Variants in RPS6KC1 observed in about 807,000 individuals in gnomAD.
RPS6KC1 encodes the protein ribosomal protein S6 kinase C1.
In RPS6KC1, 54 loss-of-function variants were observed where a neutral mutation model predicts 103.8. The observed-to-expected ratio is 0.52, with a 90% CI of 0.42 to 0.65. The LOEUF (loss-of-function observed/expected upper bound fraction) is 0.65, where lower values mean the gene tolerates loss of function less well. Among genes scored for constraint, RPS6KC1 ranks in the 30% least tolerant of loss-of-function variants. The pLI, the probability that RPS6KC1 is intolerant of heterozygous loss-of-function variation, is 0.00. For missense variants in RPS6KC1, 1,151 were observed against 1,253.8 expected, an observed-to-expected ratio of 0.92 and a Z score of 1.24; for synonymous variants, 439 against 438.7, an observed-to-expected ratio of 1.00 and a Z score of -0.01.
chr1:213,322,669 GA>G, the RPS6KC1 span, among the ~76,000 whole-genome samples: 1 of 152,126 alleles, frequency 6.6e-6, no homozygotes, highest in Non-Finnish European at 1.5e-5. Context: ...CCATTTTCTA[GA>G]CTTTTCCACT....
chr1:213,363,661 T>G, the RPS6KC1 span, among the ~76,000 whole-genome samples: 9 of 77,146 alleles, frequency 1.2e-4, 1 homozygote, highest in East Asian at 6.9e-4. Context: ...TTTCTTTCTT[T>G]CTTTCTTTCT....
At chr1:213,070,649 C>G (rs1244400663) in intron 1 of RPS6KC1, among the ~76,000 whole-genome samples, 4 of 152,174 alleles carry the variant, frequency 2.6e-5, no homozygotes, top group Admixed American at 2.6e-4. Context: ...CTTATTTGAA[C>G]ACTGTTTGAA....
At chr1:213,450,293 G>A in the RPS6KC1 span, among the ~76,000 whole-genome samples, 4 of 151,376 alleles carry the variant, frequency 2.6e-5, no homozygotes, top group Non-Finnish European at 4.4e-5. Flanking sequence ...CTCAAAGCCA[G>A]CAGGTTTCAT....
At chr1:213,744,321 A>T in the RPS6KC1 span, among the ~76,000 whole-genome samples, 4 of 152,182 alleles carry the variant, frequency 2.6e-5, no homozygotes, top group African/African-American at 9.7e-5. Flanking sequence ...AATAAAAAAA[A>T]CCTCTATCAG....
At chr1:213,725,242 G>A in the RPS6KC1 span, among the ~76,000 whole-genome samples, 2 of 152,226 alleles carry the variant, frequency 1.3e-5, no homozygotes, top group African/African-American at 4.8e-5. Flanking sequence ...CCACGGTGGT[G>A]AGGAAAACAC....
chr1:213,384,483 T>A, the RPS6KC1 span, among the ~76,000 whole-genome samples: 2 of 151,982 alleles, frequency 1.3e-5, no homozygotes, highest in Non-Finnish European at 2.9e-5. Flanking sequence ...CTTGGCAGAC[T>A]ATGGAGGAGG....
the RPS6KC1 span, among the ~76,000 whole-genome samples, chr1:213,655,098 A>T: frequency 0.044 from 6,749 of 152,296 alleles, 259 homozygotes; most frequent in East Asian, 0.16. Context: ...GCTGGAATGC[A>T]GTTGCATGAT....
chr1:213,718,848 G>A, the RPS6KC1 span, among the ~76,000 whole-genome samples: 29 of 152,332 alleles, frequency 1.9e-4, no homozygotes, highest in African/African-American at 6.7e-4. Context: ...TCTGGGGTGG[G>A]ACCTGAGATT....
At chr1:213,800,880 A>G in the RPS6KC1 span, among the ~76,000 whole-genome samples, 1 of 152,180 alleles carries the variant, frequency 6.6e-6, no homozygotes, top group Non-Finnish European at 1.5e-5. Context: ...GAGTTGAGCT[A>G]TTTCTTTCCA....
the RPS6KC1 span, among the ~76,000 whole-genome samples, chr1:213,824,568 T>C: frequency 6.6e-6 from 1 of 152,150 alleles, no homozygotes; most frequent in Non-Finnish European, 1.5e-5. Context: ...AATTCCCACA[T>C]GTTGTGGGAG....
At chr1:213,247,689 A>G (rs1489567985) in intron 12 of RPS6KC1, among the ~76,000 whole-genome samples, 1 of 152,192 alleles carries the variant, frequency 6.6e-6, no homozygotes, top group Non-Finnish European at 1.5e-5. Context: ...TCTAGGCCTC[A>G]GTTTAACAGT....
chr1:213,051,551 C>T (rs758490356), intron 1 of RPS6KC1, 42 bp downstream of exon 1: 55 of 1,433,318 alleles, frequency 3.8e-5, no homozygotes, highest in Non-Finnish European at 4.1e-5. Context: ...TGGATTGGGA[C>T]CTGAGGATCT....
At chr1:213,605,987 T>C in the RPS6KC1 span, among the ~76,000 whole-genome samples, 4 of 151,980 alleles carry the variant, frequency 2.6e-5, no homozygotes. Context: ...GCACAAGAGG[T>C]CAAGAAGATA....
At chr1:213,146,032 C>T (rs115289180) in intron 6 of RPS6KC1, among the ~76,000 whole-genome samples, 1 of 144,652 alleles carries the variant, frequency 6.9e-6, no homozygotes, top group Non-Finnish European at 1.5e-5. Flanking sequence ...GTAACCCCCC[C>T]ACTACCCTTC....
the RPS6KC1 span, among the ~76,000 whole-genome samples, chr1:213,417,181 C>T: frequency 3.7e-3 from 563 of 152,248 alleles, 5 homozygotes; most frequent in African/African-American, 0.013. Context: ...TTTCATTCGC[C>T]GGGCCCCAAC....
chr1:213,604,833 G>A, the RPS6KC1 span, among the ~76,000 whole-genome samples: 1 of 152,184 alleles, frequency 6.6e-6, no homozygotes, highest in Non-Finnish European at 1.5e-5. Flanking sequence ...AGTGGGGCAG[G>A]ACTGTGGGTC....
chr1:213,134,804 T>C (rs573884439), intron 6 of RPS6KC1, among the ~76,000 whole-genome samples: 7 of 152,160 alleles, frequency 4.6e-5, no homozygotes, highest in Non-Finnish European at 1.0e-4. Flanking sequence ...TTTTGGTATT[T>C]AGGGAATCTT....
At chr1:213,080,209 C>G (rs1227447672) in intron 3 of RPS6KC1, among the ~76,000 whole-genome samples, 1 of 152,046 alleles carries the variant, frequency 6.6e-6, no homozygotes, top group African/African-American at 2.4e-5. Flanking sequence ...TGAGCCACTG[C>G]GCCTGGCCCA....
At chr1:213,092,981 A>G (rs1310672413) in intron 3 of RPS6KC1, among the ~76,000 whole-genome samples, 1 of 152,094 alleles carries the variant, frequency 6.6e-6, no homozygotes, top group Non-Finnish European at 1.5e-5. Flanking sequence ...GTGGCTTTTA[A>G]ATTGGTTGAA....
Sources: gnomAD v4.1 joint callset for allele counts (sites outside exome capture counted in the v4.1 genomes callset) on GRCh38, gnomAD v4.1.1 for gene constraint, MANE v1.5 for transcripts, NCBI Gene and HGNC (gene_info 2026-07-23, HGNC 2026-07-21) for gene names.